The following KHDRBS2 variants were observed in gnomAD, a reference collection of about 807,000 sequenced individuals.
The protein encoded by KHDRBS2 is KH domain-containing, RNA-binding, signal transduction-associated protein 2.
A neutral mutation model predicts 44.3 loss-of-function variants in KHDRBS2; 26 were observed. The ratio of observed to expected loss-of-function variants is 0.59; its 90% CI spans 0.43 to 0.81. The LOEUF (loss-of-function observed/expected upper bound fraction) is 0.81, where lower values mean the gene tolerates loss of function less well. Among genes scored for constraint, KHDRBS2 ranks in the 40% least tolerant of loss-of-function variants. KHDRBS2 has a pLI of 0.00. For synonymous variants in KHDRBS2, 194 were observed against 151.1 expected, an observed-to-expected ratio of 1.28 and a Z score of -2.08; for missense variants, 476 against 433.1, an observed-to-expected ratio of 1.10 and a Z score of -0.88.
chr6:62,194,480 C>CTTTTTTTTTTTTTTTTTTTTTCTTTTT (rs1825251334), intron 1 of KHDRBS2, among the ~76,000 whole-genome samples: 1 of 69,774 alleles, frequency 1.4e-5, no homozygotes, highest in Non-Finnish European at 2.5e-5. Context: ...TCTTTTCTTC[C>CTTTTTTTTTTTTTTTTTTTTTCTTTTT]TTTTTTTTTT....
intron 2 of KHDRBS2, among the ~76,000 whole-genome samples, chr6:62,089,883 G>A (rs144643971): frequency 6.6e-6 from 1 of 152,228 alleles, no homozygotes; most frequent in Non-Finnish European, 1.5e-5. Context: ...AGCCACTCTA[G>A]GTCTAAGAAA....
chr6:61,987,964 G>C (rs1382310739), intron 3 of KHDRBS2, among the ~76,000 whole-genome samples: 2 of 145,934 alleles, frequency 1.4e-5, no homozygotes, highest in East Asian at 3.8e-4. Context: ...GATTCATGAA[G>C]GGCACAGAAA....
At chr6:61,717,397 G>C (rs1771631635) in intron 7 of KHDRBS2, among the ~76,000 whole-genome samples, 1 of 152,006 alleles carries the variant, frequency 6.6e-6, no homozygotes, top group African/African-American at 2.4e-5. Flanking sequence ...TTCTCATCCT[G>C]TGATGGTAAA....
intron 2 of KHDRBS2, among the ~76,000 whole-genome samples, chr6:62,171,362 C>A (rs1819964040): frequency 1.3e-5 from 2 of 151,778 alleles, no homozygotes; most frequent in Middle Eastern, 3.2e-3. Context: ...TTGTCCAAAT[C>A]CACTCAGTCA....
chr6:62,150,550 G>A (rs1276213508), intron 2 of KHDRBS2, among the ~76,000 whole-genome samples: 2 of 152,068 alleles, frequency 1.3e-5, no homozygotes, highest in Non-Finnish European at 2.9e-5. Flanking sequence ...CCATTTCAGG[G>A]CATAAATACC....
intron 7 of KHDRBS2, among the ~76,000 whole-genome samples, chr6:61,716,333 C>A (rs9450415): frequency 6.6e-6 from 1 of 151,914 alleles, no homozygotes; most frequent in East Asian, 1.9e-4. Context: ...GGCTTCTGAG[C>A]CTTTGCAGCT....
intron 2 of KHDRBS2, among the ~76,000 whole-genome samples, chr6:62,075,467 T>C (rs1387544677): frequency 1.3e-5 from 2 of 152,076 alleles, no homozygotes; most frequent in Non-Finnish European, 1.5e-5. Context: ...AACATCCTGG[T>C]ATACCAATGG....
intron 4 of KHDRBS2, among the ~76,000 whole-genome samples, chr6:61,954,371 G>A (rs1342686106): frequency 8.1e-5 from 4 of 49,554 alleles, no homozygotes; most frequent in South Asian, 1.3e-3. Context: ...ACATATATAC[G>A]TATGTATGCA....
At chr6:62,028,782 T>C (rs1162739664) in intron 3 of KHDRBS2, among the ~76,000 whole-genome samples, 2 of 152,130 alleles carry the variant, frequency 1.3e-5, no homozygotes, top group African/African-American at 2.4e-5. Flanking sequence ...CCTGATTAAA[T>C]AAAGTTATGC....
intron 1 of KHDRBS2, among the ~76,000 whole-genome samples, chr6:62,222,819 C>T (rs1214663458): frequency 6.6e-6 from 1 of 152,208 alleles, no homozygotes; most frequent in African/African-American, 2.4e-5. Context: ...GTCCATGTCT[C>T]ACATCCAGGT....
At chr6:61,849,936 A>G (rs2127282547) in intron 6 of KHDRBS2, among the ~76,000 whole-genome samples, 1 of 152,300 alleles carries the variant, frequency 6.6e-6, no homozygotes. Context: ...ATTTACTAGC[A>G]TCTCAATTAA....
intron 6 of KHDRBS2, among the ~76,000 whole-genome samples, chr6:61,753,964 G>A (rs1417070955): frequency 6.6e-6 from 1 of 152,074 alleles, no homozygotes; most frequent in Non-Finnish European, 1.5e-5. Context: ...GGAGTGTGAT[G>A]CAGCCACAGC....
intron 1 of KHDRBS2, among the ~76,000 whole-genome samples, chr6:62,189,252 C>G (rs1049685468): frequency 1.3e-5 from 2 of 152,084 alleles, no homozygotes; most frequent in Admixed American, 1.3e-4. Context: ...AAGCCTTTTG[C>G]TAACAGCAGT....
At chr6:61,602,920 A>G in the KHDRBS2 span, among the ~76,000 whole-genome samples, 2 of 152,104 alleles carry the variant, frequency 1.3e-5, no homozygotes, top group Non-Finnish European at 2.9e-5. Context: ...GGCTATAGCC[A>G]CACGTCATTG....
At chr6:61,822,829 C>T (rs1790160105) in intron 6 of KHDRBS2, among the ~76,000 whole-genome samples, 1 of 151,954 alleles carries the variant, frequency 6.6e-6, no homozygotes, top group African/African-American at 2.4e-5. Flanking sequence ...TCTCTCACAT[C>T]CCCTCAGAAG....
intron 1 of KHDRBS2, among the ~76,000 whole-genome samples, chr6:62,195,111 A>G (rs369500607): frequency 4.6e-5 from 7 of 152,254 alleles, no homozygotes; most frequent in Admixed American, 1.3e-4. Context: ...CTTTCAACAA[A>G]GTTTTATAAT....
chr6:61,668,744 T>C, the KHDRBS2 span, among the ~76,000 whole-genome samples: 1 of 151,182 alleles, frequency 6.6e-6, no homozygotes, highest in East Asian at 2.0e-4. Flanking sequence ...TCTTTTTCTT[T>C]CCAAATCTTT....
At chr6:62,133,037 A>C (rs1482203991) in intron 2 of KHDRBS2, among the ~76,000 whole-genome samples, 1 of 152,238 alleles carries the variant, frequency 6.6e-6, no homozygotes, top group East Asian at 1.9e-4. Context: ...CTGTCATAAC[A>C]CAAAGCAGCC....
At chr6:61,591,713 G>A in the KHDRBS2 span, among the ~76,000 whole-genome samples, 1 of 152,108 alleles carries the variant, frequency 6.6e-6, no homozygotes, top group Non-Finnish European at 1.5e-5. Flanking sequence ...GAAAGACAAA[G>A]TTGCCTCTAC....
Sources: allele counts gnomAD v4.1 joint callset (sites outside exome capture counted in the v4.1 genomes callset), GRCh38; gene constraint gnomAD v4.1.1; transcripts MANE v1.5; gene names NCBI Gene and HGNC (gene_info 2026-07-23, HGNC 2026-07-21).